Variants in TRPM6 observed in about 807,000 individuals in gnomAD.
TRPM6 encodes the protein transient receptor potential cation channel subfamily M member 6, also known as channel kinase 2.
In TRPM6, 111 loss-of-function variants were observed where a neutral mutation model predicts 247.6. The observed-to-expected ratio is 0.45, with a 90% CI of 0.38 to 0.52. The LOEUF (loss-of-function observed/expected upper bound fraction) is 0.52, where lower values mean the gene tolerates loss of function less well. Among genes scored for constraint, TRPM6 ranks in the 20% least tolerant of loss-of-function variants. TRPM6 has a pLI of 0.00. For synonymous variants in TRPM6, 892 were observed against 853.8 expected (o/e 1.04, Z -0.78); for missense variants, 2,126 against 2,421.5 (o/e 0.88, Z 2.56).
chr9:74,765,494 A>G (rs1350145115), intron 25 of TRPM6, among the ~76,000 whole-genome samples: 3 of 152,052 alleles, frequency 2.0e-5, no homozygotes, highest in Non-Finnish European at 2.9e-5. Flanking sequence ...GTTTCATTCT[A>G]TTATTTGGGG....
intron 25 of TRPM6, among the ~76,000 whole-genome samples, chr9:74,771,199 G>A (rs192413676): frequency 3.9e-5 from 6 of 152,236 alleles, no homozygotes; most frequent in Non-Finnish European, 7.4e-5. Context: ...TCCACTCAAT[G>A]CCCTCAGAGC....
chr9:74,887,838 A>G lies in TRPM6; in HGVS notation c.19T>C (p.Leu7=). MKEQPV[L]ERLQSQKSWI... ...CCTGAGCTTACCTGCAAGCGCTCCAAGACAGGTTGTTCTTTCATCTTTGAT... is the reference window on the plus strand; with the variant it reads ...CCTGAGCTTACCTGCAAGCGCTCCAGGACAGGTTGTTCTTTCATCTTTGAT... The change falls in exon 1 of 39, where the codon TTG becomes CTG. Residue 7 remains leucine, a synonymous_variant. Coordinates refer to ENST00000360774, the MANE Select transcript of TRPM6 (RefSeq NM_017662.5). The G allele has an allele frequency of 6.2e-7, 1 of 1,614,168 alleles. No individual in the cohort carries two copies. The highest frequency in any genetic ancestry group is 8.5e-7 in the Non-Finnish European group (1 of 1,180,030).
At chr9:74,830,212 A>G (rs1829494730) in intron 6 of TRPM6, among the ~76,000 whole-genome samples, 1 of 152,142 alleles carries the variant, frequency 6.6e-6, no homozygotes. Flanking sequence ...CCAGATGAAG[A>G]GATGTTGAAC....
chr9:74,747,938 G>A, intron 30 of TRPM6, 24 bp from the exon 31 acceptor site: 1 of 1,608,294 alleles, frequency 6.2e-7, no homozygotes, highest in Non-Finnish European at 8.5e-7. Flanking sequence ...AAATGAAGTT[G>A]TTTAGATAAT....
chr9:74,807,655 T>G (rs1281406208), intron 14 of TRPM6, among the ~76,000 whole-genome samples: 3 of 152,106 alleles, frequency 2.0e-5, no homozygotes, highest in Non-Finnish European at 2.9e-5. Context: ...AGTTTACATA[T>G]CTAATCTGAT....
chr9:74,874,309 T>C (rs1587605297), intron 1 of TRPM6, among the ~76,000 whole-genome samples: 1 of 151,904 alleles, frequency 6.6e-6, no homozygotes, highest in Middle Eastern at 3.5e-3. Context: ...GTCAGTGGGA[T>C]ACCAAGAATC....
chr9:74,840,748 C>T (rs551676696), intron 4 of TRPM6, among the ~76,000 whole-genome samples: 2 of 143,532 alleles, frequency 1.4e-5, no homozygotes, highest in Non-Finnish European at 3.0e-5. Flanking sequence ...GCCCAGGAGG[C>T]GGAGGTTGCA....
chr9:74,779,201 A>G (rs927832879), intron 23 of TRPM6, among the ~76,000 whole-genome samples: 1 of 152,068 alleles, frequency 6.6e-6, no homozygotes, highest in Non-Finnish European at 1.5e-5. Flanking sequence ...TGCTTGAACC[A>G]GGGAGGCGGA....
At chr9:74,757,529 G>A (rs1290876441) in intron 27 of TRPM6, among the ~76,000 whole-genome samples, 2 of 143,706 alleles carry the variant, frequency 1.4e-5, no homozygotes, top group African/African-American at 5.2e-5. Flanking sequence ...TTGCACCACT[G>A]CACTCCAGCC....
At chr9:74,829,578 G>A (rs1026725916) in intron 6 of TRPM6, among the ~76,000 whole-genome samples, 1 of 152,102 alleles carries the variant, frequency 6.6e-6, no homozygotes, top group Non-Finnish European at 1.5e-5. Context: ...TTTTTATTCA[G>A]AGGGTTGTTG....
At chr9:74,746,591 G>T (rs1294590852) in intron 31 of TRPM6, among the ~76,000 whole-genome samples, 1 of 152,176 alleles carries the variant, frequency 6.6e-6, no homozygotes, top group African/African-American at 2.4e-5. Flanking sequence ...AAACTCAGGG[G>T]TTTGCAGTCT....
chr9:74,815,633 C>T (rs975674729), intron 11 of TRPM6, among the ~76,000 whole-genome samples: 12 of 152,068 alleles, frequency 7.9e-5, no homozygotes, highest in Non-Finnish European at 1.8e-4. Flanking sequence ...ACATTGCAGC[C>T]GTGAGGCCCA....
chr9:74,794,680 T>G (rs2118981212), intron 18 of TRPM6, among the ~76,000 whole-genome samples: 1 of 152,290 alleles, frequency 6.6e-6, no homozygotes, highest in Non-Finnish European at 1.5e-5. Flanking sequence ...TAATTGCTCT[T>G]GACAGTTTGG....
intron 20 of TRPM6, among the ~76,000 whole-genome samples, chr9:74,787,339 G>GA (rs71368679): frequency 0.48 from 62,605 of 131,502 alleles, 13,487 homozygotes; most frequent in East Asian, 0.54. Flanking sequence ...TGTCTCAAAA[G>GA]AAAAAAAAAA....
At chr9:74,817,472 A>C (rs1340210046) in intron 9 of TRPM6, among the ~76,000 whole-genome samples, 1 of 152,116 alleles carries the variant, frequency 6.6e-6, no homozygotes, top group Non-Finnish European at 1.5e-5. Context: ...ATTACAGGCG[A>C]GTCACCACGC....
At chr9:74,839,082 C>T (rs959941832) in intron 5 of TRPM6, among the ~76,000 whole-genome samples, 1 of 149,256 alleles carries the variant, frequency 6.7e-6, no homozygotes, top group South Asian at 2.1e-4. Context: ...TGCACTCCAG[C>T]CTGGGTGACA....
rs1014842566 is a variant in TRPM6 at position 74,722,627 on chromosome 9, T to G, written c.*1986A>C. The stretch of plus-strand genomic sequence containing the variant: ...CTCTTTCCATAGTTGAGTGCAGCAC[T>G]GAGGTGAGTACCAATTGTTCCTTTA... On this transcript the variant is annotated 3_prime_UTR_variant, in exon 39 of 39. Transcript: ENST00000360774. The G allele has an allele frequency of 2.0e-5, 3 of 152,224 alleles. No individual in the cohort carries two copies. The highest frequency in any genetic ancestry group is 7.2e-5 in the African/African-American group (3 of 41,458). 9.4% of individuals were successfully genotyped at this position (152,224 alleles called of 1,614,324 possible).
chr9:74,814,492 G>A (rs1828854945), intron 11 of TRPM6, among the ~76,000 whole-genome samples: 1 of 151,934 alleles, frequency 6.6e-6, no homozygotes, highest in Admixed American at 6.6e-5. Flanking sequence ...TGAGGGGATG[G>A]ATACCTCATT....
chr9:74,764,700 G>A (rs1169646401), intron 25 of TRPM6, among the ~76,000 whole-genome samples: 1 of 152,192 alleles, frequency 6.6e-6, no homozygotes, highest in African/African-American at 2.4e-5. Flanking sequence ...ATTACAACAT[G>A]TATGAGTTGA....
Sources: gnomAD v4.1 joint callset for allele counts (sites outside exome capture counted in the v4.1 genomes callset) on GRCh38, gnomAD v4.1.1 for gene constraint, MANE v1.5 for transcripts, NCBI Gene and HGNC (gene_info 2026-07-23, HGNC 2026-07-21) for gene names.